The following C8A variants were observed in gnomAD, a reference collection of about 807,000 sequenced individuals.
C8A encodes the protein complement C8 alpha chain, also known as complement component C8 alpha chain.
In C8A, 67 loss-of-function variants were observed where a neutral mutation model predicts 65.3. That is an observed-to-expected ratio of 1.03 (90% CI 0.84 to 1.26). The LOEUF (loss-of-function observed/expected upper bound fraction) is 1.26, where lower values mean the gene tolerates loss of function less well. C8A is among the 50% of genes most tolerant of loss of function. The probability of loss-of-function intolerance (pLI) is 0.00; values close to 1 mark genes in which losing one functional copy is unlikely to be tolerated. For missense variants in C8A, 781 were observed against 723.9 expected, an observed-to-expected ratio of 1.08 and a Z score of -0.90; for synonymous variants, 290 against 259.4, an observed-to-expected ratio of 1.12 and a Z score of -1.13.
intron 7 of C8A, among the ~76,000 whole-genome samples, chr1:56,902,198 G>C (rs927379668): frequency 6.6e-6 from 1 of 152,110 alleles, no homozygotes; most frequent in African/African-American, 2.4e-5. Context: ...ATCTCTGCTT[G>C]ACTTCTGACT....
At chr1:56,867,541 T>C (rs962380938) in intron 1 of C8A, 68 bp from the exon 2 acceptor site, 1 of 1,102,490 alleles carries the variant, frequency 9.1e-7, no homozygotes, top group African/African-American at 1.5e-5. Context: ...AAGGAAAATG[T>C]GCACAGCTTT....
intron 10 of C8A, among the ~76,000 whole-genome samples, chr1:56,913,712 T>C (rs1021994767): frequency 3.3e-5 from 5 of 152,176 alleles, no homozygotes; most frequent in African/African-American, 1.2e-4. Flanking sequence ...CTAATCAATG[T>C]ACACATTAAC....
Position 56,883,625 on chromosome 1 carries a change from G to T in C8A, c.799G>T (p.Val267Leu). 1 of 1,613,852 alleles carries T rather than the reference G, an allele frequency of 6.2e-7. No individual in the cohort carries two copies. The highest frequency in any genetic ancestry group is 8.5e-7 in the Non-Finnish European group (1 of 1,179,896). Residue 267 changes from valine (V) to leucine (L), a missense_variant, in exon 6 of 11, where the codon GTA becomes TTA. Val to Leu is a conservative substitution (Grantham distance 32, BLOSUM62 1). Coordinates refer to ENST00000361249, the MANE Select transcript of C8A (RefSeq NM_000562.3). ...CAGCCCTTTATTGGTGGGTGTAGGT[G>T]TATCCCACTCACAAGACACTTCATT... ...AGSPLLVGVG[V>L]SHSQDTSFLN...
intron 10 of C8A, among the ~76,000 whole-genome samples, chr1:56,914,006 C>G (rs1474351084): frequency 6.6e-6 from 1 of 152,180 alleles, no homozygotes; most frequent in Non-Finnish European, 1.5e-5. Flanking sequence ...GATTTTTGTT[C>G]TTGGTGCCAC....
chr1:56,876,821 C>T (rs1644203157), intron 4 of C8A, among the ~76,000 whole-genome samples: 1 of 152,150 alleles, frequency 6.6e-6, no homozygotes, highest in Non-Finnish European at 1.5e-5. Context: ...CTCTTTCCTT[C>T]TGAGCCTTAA....
intron 10 of C8A, 152 bp downstream of exon 10, chr1:56,912,777 A>T: frequency 1.4e-6 from 1 of 718,024 alleles, no homozygotes; most frequent in Middle Eastern, 3.8e-4. Context: ...CTCACCCATC[A>T]CATTTAGTGG....
intron 6 of C8A, among the ~76,000 whole-genome samples, chr1:56,885,348 A>ATATATTTAAATATATATT (rs1557705574): frequency 3.4e-5 from 3 of 88,824 alleles, no homozygotes; most frequent in Non-Finnish European, 6.2e-5. Flanking sequence ...TTACATAAAT[A>ATATATTTAAATATATATT]TATATTTATG....
chr1:56,892,667 T>G (rs1644356979), intron 7 of C8A, among the ~76,000 whole-genome samples: 1 of 152,074 alleles, frequency 6.6e-6, no homozygotes, highest in Non-Finnish European at 1.5e-5. Flanking sequence ...ACATGCAGAA[T>G]GAGAAATTTA....
chr1:56,866,128 G>A (rs572141011), intron 1 of C8A, among the ~76,000 whole-genome samples: 16 of 152,180 alleles, frequency 1.1e-4, no homozygotes, highest in Admixed American at 5.2e-4. Context: ...ACTCCTCCCC[G>A]TTTCAACTAC....
At chr1:56,866,384 AG>A (rs1644088406) in intron 1 of C8A, among the ~76,000 whole-genome samples, 1 of 152,192 alleles carries the variant, frequency 6.6e-6, no homozygotes, top group South Asian at 2.1e-4. Context: ...TGGTAGATCT[AG>A]CCCACTTACC....
At chr1:56,859,553 GC>G (rs1165458178) in intron 1 of C8A, among the ~76,000 whole-genome samples, 2 of 152,198 alleles carry the variant, frequency 1.3e-5, no homozygotes, top group Non-Finnish European at 2.9e-5. Flanking sequence ...CTGCAGGAGA[GC>G]CCAGTACATG....
intron 7 of C8A, among the ~76,000 whole-genome samples, chr1:56,897,767 CAG>C (rs1470880733): frequency 6.6e-6 from 1 of 152,146 alleles, no homozygotes; most frequent in Non-Finnish European, 1.5e-5. Flanking sequence ...GAAACAATCT[CAG>C]GGGAAAAACC....
chr1:56,877,499 C>T lies in C8A; in HGVS notation c.464+1290C>T, dbSNP rs547361352. Among the ~76,000 whole-genome samples the T allele has an allele frequency of 5.3e-5, 8 of 152,224 alleles. No homozygotes were observed. In the South Asian group the frequency reaches 8.3e-4, roughly 16 times the overall value. On this transcript the variant is annotated intron_variant, in intron 4 of 10. Coordinates refer to ENST00000361249, the MANE Select transcript of C8A (RefSeq NM_000562.3). ...CTTGTCATCTCTGCTTCTCCAGTAC[C>T]GGAACAGGGCTTAGCTCAGAATGAC... is the stretch of plus-strand genomic sequence containing the variant.
intron 1 of C8A, among the ~76,000 whole-genome samples, chr1:56,865,165 A>C (rs1451263697): frequency 6.6e-6 from 1 of 152,238 alleles, no homozygotes; most frequent in Admixed American, 6.5e-5. Context: ...TTGAGTATAC[A>C]CTGAGTATGA....
intron 2 of C8A, among the ~76,000 whole-genome samples, chr1:56,869,745 T>C (rs1570318565): frequency 6.6e-6 from 1 of 152,312 alleles, no homozygotes; most frequent in African/African-American, 2.4e-5. Flanking sequence ...CAGTTTTAAT[T>C]TGTGGAATGC....
Position 56,906,752 on chromosome 1 carries a change from A to T in C8A, c.1182A>T (p.Leu394Phe). 6.2e-7 allele frequency: 1 copy of T among 1,614,136 alleles called. No individual in the cohort carries two copies. The highest frequency in any genetic ancestry group is 1.7e-5 in the Admixed American group (1 of 60,020). ...YEDKINVGGGLSGDHCKKFGG... is the reference protein window; with the variant it reads ...YEDKINVGGGFSGDHCKKFGG... ...ACAAAATAAATGTTGGTGGAGGTTTATCAGGAGACCATTGTAAAAAATTTG... is the reference window on the plus strand; with the variant it reads ...ACAAAATAAATGTTGGTGGAGGTTTTTCAGGAGACCATTGTAAAAAATTTG... The change falls in exon 8 of 11, where the codon TTA (leucine) becomes TTT (phenylalanine). Residue 394 changes from leucine (L) to phenylalanine (F), a missense_variant. By Grantham distance (22) the Leu-to-Phe change is conservative. Transcript: ENST00000361249.
chr1:56,908,179 A>C, intron 9 of C8A, 66 bp downstream of exon 9: 17 of 1,491,552 alleles, frequency 1.1e-5, no homozygotes, highest in Non-Finnish European at 1.5e-5. Flanking sequence ...AGACCAGATC[A>C]TTTCATATTT....
At chr1:56,903,169 C>T (rs1025929424) in intron 7 of C8A, among the ~76,000 whole-genome samples, 49 of 152,134 alleles carry the variant, frequency 3.2e-4, no homozygotes, top group African/African-American at 1.0e-3. Context: ...GCTGTGTCCC[C>T]GCCCAAATCT....
At chr1:56,867,462 G>C in intron 1 of C8A, 147 bp from the exon 2 acceptor site, 2 of 696,748 alleles carry the variant, frequency 2.9e-6, no homozygotes, top group Non-Finnish European at 5.3e-6. Flanking sequence ...ATTTCTGTTG[G>C]CATTTCTACA....
Sources: gnomAD v4.1 joint callset for allele counts (sites outside exome capture counted in the v4.1 genomes callset) on GRCh38, gnomAD v4.1.1 for gene constraint, MANE v1.5 for transcripts, NCBI Gene and HGNC (gene_info 2026-07-23, HGNC 2026-07-21) for gene names.